SLC12A1: variants seen among roughly 807,000 people sequenced by gnomAD.
The protein encoded by SLC12A1 is Na-K-2Cl cotransporter.
Under a neutral mutation model 130.4 loss-of-function variants are expected in SLC12A1, and 89 were observed. The ratio of observed to expected loss-of-function variants is 0.68; its 90% CI spans 0.58 to 0.81. The LOEUF (loss-of-function observed/expected upper bound fraction) is 0.81, where lower values mean the gene tolerates loss of function less well. SLC12A1 is among the 40% of genes least tolerant of loss of function. The pLI, the probability that SLC12A1 is intolerant of heterozygous loss-of-function variation, is 0.00. For missense variants in SLC12A1, 1,310 were observed against 1,336.4 expected, an observed-to-expected ratio of 0.98 and a Z score of 0.31; for synonymous variants, 499 against 460.0, an observed-to-expected ratio of 1.08 and a Z score of -1.09.
chr15:48,257,754 C>T (rs2041724156), intron 16 of SLC12A1, among the ~76,000 whole-genome samples: 1 of 152,196 alleles, frequency 6.6e-6, no homozygotes, highest in African/African-American at 2.4e-5. Context: ...CCTGGGCCTC[C>T]AGGCCTGTGA....
intron 24 of SLC12A1, among the ~76,000 whole-genome samples, chr15:48,295,329 T>C (rs1042488407): frequency 2.0e-5 from 3 of 152,182 alleles, no homozygotes; most frequent in Non-Finnish European, 2.9e-5. Flanking sequence ...CTTGTCAATC[T>C]GGTTTTCTCA....
At chr15:48,292,138 T>C (rs989772883) in intron 24 of SLC12A1, among the ~76,000 whole-genome samples, 1 of 152,252 alleles carries the variant, frequency 6.6e-6, no homozygotes, top group Non-Finnish European at 1.5e-5. Flanking sequence ...TTGTTTTCTA[T>C]GGTGGCAAGA....
intron 24 of SLC12A1, among the ~76,000 whole-genome samples, chr15:48,297,843 T>C (rs2141127836): frequency 6.6e-6 from 1 of 152,308 alleles, no homozygotes; most frequent in South Asian, 2.1e-4. Context: ...ACCCAGACCC[T>C]ACTCTCCAAA....
Position 48,288,114 on chromosome 15 carries a change from C to T in SLC12A1, c.2701C>T (p.Gln901Ter). 6.2e-7 allele frequency: 1 copy of T among 1,610,436 alleles called. No homozygotes were observed. The highest frequency in any genetic ancestry group is 2.2e-5 in the East Asian group (1 of 44,822). ...FNQKLVEASTQFKKKQEKGTI... is the reference protein window; with the variant it reads ...FNQKLVEAST ...CCAGAAACTGGTGGAAGCCAGCACT[C>T]AATTTAAAAAGAAACAAGAAAAAGG... Residue 901 changes from glutamine to a stop codon, truncating the protein, a stop_gained, in exon 22 of 27, where the codon CAA (glutamine) becomes TAA (stop). Transcript: ENST00000380993. LOFTEE classifies it high-confidence loss of function.
intron 16 of SLC12A1, among the ~76,000 whole-genome samples, chr15:48,257,794 A>G (rs539899107): frequency 6.6e-6 from 1 of 152,254 alleles, no homozygotes; most frequent in Non-Finnish European, 1.5e-5. Context: ...GTTCTCTGAC[A>G]TGCCCCGGAA....
chr15:48,234,483 C>T (rs1018928663), intron 8 of SLC12A1, among the ~76,000 whole-genome samples: 1 of 152,206 alleles, frequency 6.6e-6, no homozygotes, highest in Non-Finnish European at 1.5e-5. Flanking sequence ...TAGCTCACGC[C>T]TGTAATCCCA....
chr15:48,256,107 C>A (rs2141071332), intron 16 of SLC12A1, among the ~76,000 whole-genome samples, 197 bp downstream of exon 16: 1 of 152,324 alleles, frequency 6.6e-6, no homozygotes, highest in South Asian at 2.1e-4. Context: ...GAGCTATGCC[C>A]ATCCCAAACT....
chr15:48,242,520 C>T lies in SLC12A1; in HGVS notation c.1300+921C>T, dbSNP rs77318991. Among the ~76,000 whole-genome samples the T allele has an allele frequency of 8.3e-3, 1,257 of 152,262 alleles. 8 individuals are homozygous for T. Among genetic ancestry groups the T allele is most frequent in the Non-Finnish European group, 0.012 (838 of 68,018 alleles). The stretch of plus-strand genomic sequence containing the variant: ...GATAACTTTGTTAAGAGTATTGTTG[C>T]GGCTGGGCACAGTAGCTCATGCCTG... On this transcript the variant is annotated intron_variant, in intron 10 of 26. Transcript: ENST00000380993.
rs774130493 is a variant in SLC12A1, at chr15:48,220,903, T to C, written c.553-18T>C. 6.2e-7 allele frequency: 1 copy of C among 1,613,702 alleles called. No individual in the cohort carries two copies. Among genetic ancestry groups the C allele is most frequent in the East Asian group, 2.2e-5 (1 of 44,882 alleles). ...TATCGTTTGTCCTGTCTCCTTTCAA[T>C]ACCGCTTCTATCCACAGGTAAGATG... On this transcript the variant is annotated intron_variant, in intron 3 of 26. Transcript: ENST00000380993.
At chr15:48,218,287 G>A (rs1313354567) in intron 2 of SLC12A1, among the ~76,000 whole-genome samples, 1 of 152,142 alleles carries the variant, frequency 6.6e-6, no homozygotes, top group Non-Finnish European at 1.5e-5. Flanking sequence ...TTATCCAAGT[G>A]TCACAATAGT....
intron 25 of SLC12A1, 32 bp downstream of exon 25, chr15:48,299,307 G>A (rs1398330167): frequency 4.6e-6 from 7 of 1,534,960 alleles, no homozygotes; most frequent in Non-Finnish European, 6.1e-6. Flanking sequence ...TTTTTTTGCT[G>A]TCTAACTAGC....
At chr15:48,268,890 AG>A (rs1171136276) in intron 18 of SLC12A1, among the ~76,000 whole-genome samples, 1 of 152,212 alleles carries the variant, frequency 6.6e-6, no homozygotes, top group East Asian at 1.9e-4. Flanking sequence ...AAATAAGAGC[AG>A]GGAAAGAAAA....
chr15:48,300,895 G>A (rs977638607), intron 25 of SLC12A1, among the ~76,000 whole-genome samples: 2 of 152,112 alleles, frequency 1.3e-5, no homozygotes, highest in African/African-American at 2.4e-5. Context: ...AGATTCAATC[G>A]GTTTCTTTTT....
Position 48,288,164 on chromosome 15 carries a change from T to A in SLC12A1, c.2751T>A (p.Phe917Leu), listed in dbSNP as rs769507417. 6.2e-7 allele frequency: 1 copy of A among 1,609,124 alleles called. No homozygotes were observed. Among genetic ancestry groups the A allele is most frequent in the Non-Finnish European group, 8.5e-7 (1 of 1,177,668 alleles). The change falls in exon 22 of 27, where the codon TTT becomes TTA. Residue 917 changes from phenylalanine (F) to leucine (L), a missense_variant. Physicochemically the swap from Phe to Leu is conservative, Grantham distance 22. Coordinates refer to ENST00000380993, the MANE Select transcript of SLC12A1 (RefSeq NM_000338.3). ...EKGTIDVWWLFDDGGLTLLIP... is the reference protein window; with the variant it reads ...EKGTIDVWWLLDDGGLTLLIP... ...GCACAATTGATGTTTGGTGGTTGTT[T>A]GATGATGGAGGTAAAAACTTTCAGA...
At chr15:48,207,138 C>T (rs1472582705) in intron 1 of SLC12A1, among the ~76,000 whole-genome samples, 1 of 152,218 alleles carries the variant, frequency 6.6e-6, no homozygotes, top group Middle Eastern at 3.4e-3. Flanking sequence ...ATATTCCTAA[C>T]AATCAAAATA....
intron 20 of SLC12A1, among the ~76,000 whole-genome samples, chr15:48,277,844 C>T (rs1407141005): frequency 1.4e-4 from 21 of 151,632 alleles, no homozygotes; most frequent in Middle Eastern, 3.2e-3. Context: ...AAGAGGAGGA[C>T]GAAGAAAAAA....
chr15:48,235,077 G>T, intron 9 of SLC12A1, 73 bp downstream of exon 9: 1 of 1,461,954 alleles, frequency 6.8e-7, no homozygotes, highest in Non-Finnish European at 9.6e-7. Context: ...GAGCTAGAGA[G>T]GTTAGATGTG....
chr15:48,247,308 G>T, intron 12 of SLC12A1, 29 bp from the exon 13 acceptor site: 1 of 1,593,268 alleles, frequency 6.3e-7, no homozygotes, highest in South Asian at 1.2e-5. Context: ...AGCTATAAAT[G>T]ACAAATTTCT....
intron 2 of SLC12A1, among the ~76,000 whole-genome samples, chr15:48,212,074 A>G (rs948586645): frequency 2.0e-5 from 3 of 152,192 alleles, no homozygotes; most frequent in African/African-American, 7.2e-5. Context: ...GCTTGTGAAC[A>G]TTAGTTTCTA....
Sources: gnomAD v4.1 joint callset for allele counts (sites outside exome capture counted in the v4.1 genomes callset) on GRCh38, gnomAD v4.1.1 for gene constraint, MANE v1.5 for transcripts, NCBI Gene and HGNC (gene_info 2026-07-23, HGNC 2026-07-21) for gene names.